Variants in ADGRL2 observed in about 807,000 individuals in gnomAD.
ADGRL2 encodes calcium-independent alpha-latrotoxin receptor 2.
A neutral mutation model predicts 157.4 loss-of-function variants in ADGRL2; 44 were observed. That is an observed-to-expected ratio of 0.28 (90% CI 0.22 to 0.36). ADGRL2 has a LOEUF of 0.36. Among genes scored for constraint, ADGRL2 ranks in the 10% least tolerant of loss-of-function variants. The pLI is 1.00. For missense variants in ADGRL2, 1,510 were observed against 1,768.9 expected (o/e 0.85, Z 2.63); for synonymous variants, 585 against 624.7 (o/e 0.94, Z 0.95).
chr1:81,812,184 A>G (rs1350423208), intron 1 of ADGRL2, among the ~76,000 whole-genome samples: 6 of 151,858 alleles, frequency 4.0e-5, no homozygotes, highest in African/African-American at 2.4e-5. Flanking sequence ...CCACGTTTCA[A>G]ATATTTTTGC....
At chr1:81,356,948 G>A (rs1422392246) in intron 1 of ADGRL2, among the ~76,000 whole-genome samples, 3 of 6,100 alleles carry the variant, frequency 4.9e-4, no homozygotes, top group East Asian at 0.038. Context: ...ATGAGACTCC[G>A]TCTCAAAAAA....
chr1:81,496,108 A>G (rs966057686), intron 2 of ADGRL2, among the ~76,000 whole-genome samples: 6 of 152,210 alleles, frequency 3.9e-5, no homozygotes, highest in Non-Finnish European at 7.4e-5. Flanking sequence ...ATCATTGATT[A>G]GACCAGTAGG....
At chr1:81,549,810 G>C (rs2080101468) in intron 2 of ADGRL2, among the ~76,000 whole-genome samples, 1 of 152,158 alleles carries the variant, frequency 6.6e-6, no homozygotes. Context: ...AAGCAAATGG[G>C]AAGAAAGGAT....
chr1:81,640,928 ATGTTAACTAAT>A (rs2148801800), intron 3 of ADGRL2, among the ~76,000 whole-genome samples: 1 of 152,326 alleles, frequency 6.6e-6, no homozygotes, highest in East Asian at 1.9e-4. Flanking sequence ...AAGTAACCTG[ATGTTAACTAAT>A]TAGTTATTTT....
intron 3 of ADGRL2, among the ~76,000 whole-genome samples, chr1:81,664,875 G>A (rs546432598): frequency 2.4e-4 from 37 of 152,046 alleles, no homozygotes; most frequent in African/African-American, 7.0e-4. Flanking sequence ...GACTTAATAC[G>A]TGTGTGTTTT....
chr1:81,466,267 C>A (rs1458465725), intron 2 of ADGRL2, among the ~76,000 whole-genome samples: 1 of 152,158 alleles, frequency 6.6e-6, no homozygotes, highest in African/African-American at 2.4e-5. Flanking sequence ...AATTTCCCAG[C>A]CAGCAAAAGG....
chr1:81,654,451 T>C (rs1353306766), intron 3 of ADGRL2, among the ~76,000 whole-genome samples: 1 of 152,188 alleles, frequency 6.6e-6, no homozygotes, highest in African/African-American at 2.4e-5. Flanking sequence ...GAAGGTCTAA[T>C]TGGTCTCCAC....
In ADGRL2 at chr1:81,643,155, T is replaced by C. The variant is rs951529563; in HGVS notation, c.-143+62175T>C. On this transcript the variant is annotated intron_variant, in intron 3 of 24. Transcript: ENST00000370721. The stretch of plus-strand genomic sequence containing the variant: ...GAAATAAAGCTGTCTTTTTCATTGA[T>C]GACATGGTAGTCTATGTAGAAAATC... Among the ~76,000 whole-genome samples, 8 of 152,216 alleles carry C rather than the reference T, an allele frequency of 5.3e-5. No individual in the cohort carries two copies. In the South Asian group the frequency reaches 1.7e-3, roughly 31 times the overall value.
At chr1:81,405,839 A>G (rs949663219) in intron 1 of ADGRL2, among the ~76,000 whole-genome samples, 9 of 152,260 alleles carry the variant, frequency 5.9e-5, no homozygotes, top group African/African-American at 2.2e-4. Flanking sequence ...GTTTTTATAC[A>G]TAATGCCTAT....
intron 2 of ADGRL2, among the ~76,000 whole-genome samples, chr1:81,566,019 A>G (rs1371673767): frequency 6.6e-6 from 1 of 152,186 alleles, no homozygotes. Flanking sequence ...GCAGAGGAGT[A>G]ATTTGTGGAG....
intron 1 of ADGRL2, among the ~76,000 whole-genome samples, chr1:81,383,109 C>G (rs1476532611): frequency 6.6e-6 from 1 of 152,186 alleles, no homozygotes; most frequent in African/African-American, 2.4e-5. Context: ...ATCGTGTGCT[C>G]TTTCCATACG....
At chr1:81,350,942 CAT>C (rs1374994246) in intron 1 of ADGRL2, among the ~76,000 whole-genome samples, 1 of 152,034 alleles carries the variant, frequency 6.6e-6, no homozygotes, top group South Asian at 2.1e-4. Flanking sequence ...AGGCAGTGCT[CAT>C]ATGTTTTTAT....
intron 2 of ADGRL2, among the ~76,000 whole-genome samples, chr1:81,446,456 C>A (rs527918653): frequency 6.6e-6 from 1 of 152,258 alleles, no homozygotes; most frequent in South Asian, 2.1e-4. Flanking sequence ...TTCATCCGCC[C>A]AGAAGATTTG....
At chr1:81,979,809 GA>G in intron 17 of ADGRL2, 59 bp from the exon 18 acceptor site, 1 of 957,308 alleles carries the variant, frequency 1.0e-6, no homozygotes, top group Non-Finnish European at 1.7e-6. Flanking sequence ...ACATTTGCAA[GA>G]ACTATTCATT....
chr1:81,966,322 TTCA>T, intron 12 of ADGRL2, 79 bp from the exon 13 acceptor site: 1 of 1,521,450 alleles, frequency 6.6e-7, no homozygotes, highest in Non-Finnish European at 9.0e-7. Context: ...GCCTTAGGAC[TTCA>T]TCATTTTATT....
intron 3 of ADGRL2, among the ~76,000 whole-genome samples, chr1:81,694,318 G>A (rs1321889382): frequency 6.6e-6 from 1 of 152,012 alleles, no homozygotes; most frequent in African/African-American, 2.4e-5. Flanking sequence ...TGTGATCTTG[G>A]AAAAGTTACT....
In ADGRL2 at chr1:81,397,632, CTT is replaced by C. The variant is rs141089135; in HGVS notation, c.-301-47399_-301-47398del. ...CTGCGCCCAGCCCTTATAATGTCTC[CTT>C]TTTTGTTTCTGATTTTATTTATTTG... is the stretch of plus-strand genomic sequence containing the variant. On this transcript the variant is annotated intron_variant, in intron 1 of 24. Transcript: ENST00000370721. 8.1e-3 allele frequency among the ~76,000 whole-genome samples: 1,236 copies of C among 152,074 alleles called. 17 individuals carry two copies. Among genetic ancestry groups the C allele is most frequent in the African/African-American group, 0.028 (1,172 of 41,478 alleles).
chr1:81,564,331 C>A (rs2080511212), intron 2 of ADGRL2, among the ~76,000 whole-genome samples: 1 of 152,130 alleles, frequency 6.6e-6, no homozygotes, highest in Non-Finnish European at 1.5e-5. Context: ...CTAAGTCAGG[C>A]CTCTCATGAG....
chr1:81,308,020 G>A (rs940005079), intron 1 of ADGRL2, among the ~76,000 whole-genome samples: 1 of 151,984 alleles, frequency 6.6e-6, no homozygotes, highest in Non-Finnish European at 1.5e-5. Flanking sequence ...TCTGCTTCGT[G>A]GCATTTTAGT....
Sources: gnomAD v4.1 joint callset for allele counts (sites outside exome capture counted in the v4.1 genomes callset) on GRCh38, gnomAD v4.1.1 for gene constraint, MANE v1.5 for transcripts, NCBI Gene and HGNC (gene_info 2026-07-23, HGNC 2026-07-21) for gene names.